The following AP2A1 variants were observed in gnomAD, a reference collection of about 807,000 sequenced individuals.
AP2A1 encodes adaptor related protein complex 2 subunit alpha 1.
In AP2A1, 21 loss-of-function variants were observed where a neutral mutation model predicts 107.3. The observed-to-expected ratio is 0.20, with a 90% CI of 0.14 to 0.28. AP2A1 has a LOEUF of 0.28. AP2A1 is among the 10% of genes least tolerant of loss of function. AP2A1 has a pLI of 1.00. For synonymous variants in AP2A1, 602 were observed against 564.8 expected, an observed-to-expected ratio of 1.07 and a Z score of -0.93; for missense variants, 873 against 1,307.7, an observed-to-expected ratio of 0.67 and a Z score of 5.13.
intron 15 of AP2A1, chr19:49,802,735 C>G (rs1191810373): frequency 9.2e-7 from 1 of 1,091,958 alleles, no homozygotes; most frequent in Admixed American, 2.7e-5. Context: ...GAAAGGGAAA[C>G]TTGGTGTCTG....
At chr19:49,797,829 C>T (rs1056633722) in intron 7 of AP2A1, among the ~76,000 whole-genome samples, 8 of 151,356 alleles carry the variant, frequency 5.3e-5, no homozygotes, top group African/African-American at 1.7e-4. Flanking sequence ...CACTGTCATC[C>T]CAGCACTTTG....
At chr19:49,767,760 A>C (rs2084518139) in intron 1 of AP2A1, among the ~76,000 whole-genome samples, 1 of 152,004 alleles carries the variant, frequency 6.6e-6, no homozygotes. Context: ...GAGTGGTTGA[A>C]AGTCCATGAG....
chr19:49,798,885 G>T lies in AP2A1; in HGVS notation c.898G>T (p.Val300Leu). The T allele has an allele frequency of 1.3e-6, 2 of 1,583,148 alleles. No individual in the cohort carries two copies. The highest frequency in any genetic ancestry group is 1.7e-6 in the Non-Finnish European group (2 of 1,164,862). The change falls in exon 8 of 23, where the codon GTG (valine) becomes TTG (leucine). Residue 300 changes from valine to leucine, a missense_variant. By Grantham distance (32) the Val-to-Leu change is conservative (BLOSUM62 1). Around this residue, in one of 4 missense-constraint regions of AP2A1, gnomAD observed 213 missense variants for 443.5 expected, o/e 0.48. Coordinates refer to ENST00000354293, the MANE Select transcript of AP2A1 (RefSeq NM_130787.3). ...CCAGGAGCCCCCCAAATCCAAGAAG[G>T]TGCAGCATTCCAACGCCAAGAACGC... ...KAQEPPKSKK[V>L]QHSNAKNAIL...
intron 15 of AP2A1, chr19:49,802,626 C>T (rs904694547): frequency 1.3e-5 from 10 of 779,904 alleles, no homozygotes; most frequent in African/African-American, 1.1e-4. Flanking sequence ...GGTGGGAGGT[C>T]GGTCGGGGGG....
intron 12 of AP2A1, 82 bp downstream of exon 12, chr19:49,801,140 G>A: frequency 2.2e-6 from 3 of 1,339,950 alleles, no homozygotes; most frequent in Non-Finnish European, 3.0e-6. Context: ...GGGTCTCAGG[G>A]CAGGCAGTGA....
chr19:49,782,871 G>C (rs2123695751), intron 4 of AP2A1, 147 bp downstream of exon 4: 2 of 963,128 alleles, frequency 2.1e-6, no homozygotes, highest in Non-Finnish European at 3.0e-6. Flanking sequence ...AGTGGTTCCG[G>C]TGGCAGCCCC....
rs370343936 is a variant in AP2A1 at position 49,806,775 on chromosome 19, C to T, written c.*17C>T. The T allele has an allele frequency of 1.5e-4, 238 of 1,613,432 alleles. No individual in the cohort carries two copies. The highest frequency in any genetic ancestry group is 1.8e-4 in the Non-Finnish European group (216 of 1,179,854). ...CAGTTCTGAGCCCTGGACTCTGCCC[C>T]GGGGGATGTGGCCGGCACTGGGCAG... is the stretch of plus-strand genomic sequence containing the variant. On this transcript the variant is annotated 3_prime_UTR_variant, in exon 23 of 23. Coordinates refer to ENST00000354293, the MANE Select transcript of AP2A1 (RefSeq NM_130787.3).
In AP2A1 at chr19:49,802,096, C is replaced by T. The variant is rs1038631863; in HGVS notation, c.2069C>T (p.Ala690Val). ...CTGGTGGACGTCTTCGATGGCCCGGCCGCCCAGCCCAGCCTGGGGCCCACC... is the reference window on the plus strand; with the variant it reads ...CTGGTGGACGTCTTCGATGGCCCGGTCGCCCAGCCCAGCCTGGGGCCCACC... The part of the protein sequence containing the change: ...NLLVDVFDGP[A>V]AQPSLGPTPE... Residue 690 changes from alanine to valine, a missense_variant, in exon 15 of 23, where the codon GCC becomes GTC. Ala to Val is a moderately conservative substitution (Grantham distance 64). This residue lies in a region of AP2A1 where 416 missense variants were observed against 473.4 expected (regional missense o/e 0.88). Transcript: ENST00000354293. The T allele has an allele frequency of 1.3e-6, 2 of 1,590,612 alleles. No homozygotes were observed. Among genetic ancestry groups the T allele is most frequent in the Non-Finnish European group, 1.7e-6 (2 of 1,174,234 alleles).
intron 4 of AP2A1, among the ~76,000 whole-genome samples, chr19:49,790,007 G>T (rs914542829): frequency 5.3e-5 from 8 of 152,326 alleles, no homozygotes; most frequent in Non-Finnish European, 8.8e-5. Flanking sequence ...CAGGTTCTGT[G>T]CCAGGCAAGT....
At chr19:49,787,134 G>A (rs1014712212) in intron 4 of AP2A1, among the ~76,000 whole-genome samples, 1 of 151,864 alleles carries the variant, frequency 6.6e-6, no homozygotes, top group African/African-American at 2.4e-5. Context: ...AGCCCCCTGA[G>A]TAGCTGTGAT....
Position 49,785,128 on chromosome 19 carries a change from G to A in AP2A1, c.473+2404G>A, listed in dbSNP as rs1253691620. Among the ~76,000 whole-genome samples the A allele has an allele frequency of 1.3e-5, 2 of 152,200 alleles. No individual in the cohort carries two copies. The highest frequency in any genetic ancestry group is 2.4e-5 in the African/African-American group (1 of 41,450). ...GTAGGGAGAGATCGTGACATAGGCA[G>A]TGTTCGAAGAGAGATAATGGTTGAA... On this transcript the variant is annotated intron_variant, in intron 4 of 22. Coordinates refer to ENST00000354293, the MANE Select transcript of AP2A1 (RefSeq NM_130787.3). This position sits in a 1 kb window ranked among gnomAD's most constrained non-coding sequence, Gnocchi z 4.1.
chr19:49,784,431 C>CA (rs112357042), intron 4 of AP2A1, among the ~76,000 whole-genome samples: 122 of 108,042 alleles, frequency 1.1e-3, no homozygotes, highest in African/African-American at 2.2e-3. Context: ...GACTCTGTCT[C>CA]AAAAAAAAAA....
chr19:49,773,795 T>C (rs1204560806), intron 1 of AP2A1, among the ~76,000 whole-genome samples: 3 of 151,714 alleles, frequency 2.0e-5, no homozygotes, highest in African/African-American at 7.3e-5. Context: ...TCTAACTAAG[T>C]GGGGGAATGG....
chr19:49,767,755 G>T (rs1370704116), intron 1 of AP2A1, among the ~76,000 whole-genome samples: 3 of 152,034 alleles, frequency 2.0e-5, no homozygotes, highest in Non-Finnish European at 4.4e-5. Context: ...CCTGAGAGTG[G>T]TTGAAAGTCC....
chr19:49,782,597 A>G lies in AP2A1; in HGVS notation c.346A>G (p.Ile116Val). The G allele has an allele frequency of 6.2e-7, 1 of 1,613,904 alleles. No individual in the cohort carries two copies. Among genetic ancestry groups the G allele is most frequent in the Non-Finnish European group, 8.5e-7 (1 of 1,179,842 alleles). ...GCTGATCCGCCTCATCAACAACGCC[A>G]TCAAGAATGACCTGGCCAGCCGCAA... ...SELIRLINNA[I>V]KNDLASRNPT... is the part of the protein sequence containing the mutation. Residue 116 changes from isoleucine (I) to valine (V), a missense_variant, in exon 4 of 23, where the codon ATC becomes GTC. By Grantham distance (29) the Ile-to-Val change is conservative. Around this residue, in one of 4 missense-constraint regions of AP2A1, gnomAD observed 87 missense variants for 178.2 expected, o/e 0.49. Transcript: ENST00000354293.
chr19:49,805,139 G>GTT, intron 18 of AP2A1: 1 of 335,834 alleles, frequency 3.0e-6, no homozygotes, highest in Non-Finnish European at 5.4e-6. Flanking sequence ...GCTAAGAGAG[G>GTT]TTAAGTGGTT....
intron 7 of AP2A1, chr19:49,795,988 TCCAG>T: frequency 1.9e-6 from 1 of 522,110 alleles, no homozygotes; most frequent in East Asian, 3.3e-5. Context: ...GGGCTCTCAC[TCCAG>T]CCCTGTTGCG....
At chr19:49,798,253 G>A (rs750825002) in intron 7 of AP2A1, among the ~76,000 whole-genome samples, 3 of 152,218 alleles carry the variant, frequency 2.0e-5, no homozygotes, top group Admixed American at 6.5e-5. Flanking sequence ...GCTCTGGGGG[G>A]TGAGGGGGCA....
chr19:49,798,835 G>C lies in AP2A1; in HGVS notation c.848G>C (p.Cys283Ser). Residue 283 changes from cysteine to serine, a missense_variant, in exon 8 of 23, where the codon TGT becomes TCT. Cys to Ser is a moderately radical substitution (Grantham distance 112). This residue lies in a region of AP2A1 where 157 missense variants were observed against 212.6 expected (regional missense o/e 0.74). Coordinates refer to ENST00000354293, the MANE Select transcript of AP2A1 (RefSeq NM_130787.3). ...DAAVKGRLVE[C>S]LETVLNKAQE... ...GCTGTGAAGGGGCGGCTGGTGGAATGTCTGGAGACTGTGCTCAACAAGGCC... is the reference window on the plus strand; with the variant it reads ...GCTGTGAAGGGGCGGCTGGTGGAATCTCTGGAGACTGTGCTCAACAAGGCC... 1 of 1,603,928 alleles carries C rather than the reference G, an allele frequency of 6.2e-7. No individual in the cohort carries two copies. Among genetic ancestry groups the C allele is most frequent in the Admixed American group, 1.7e-5 (1 of 58,470 alleles).
Sources: allele counts gnomAD v4.1 joint callset (sites outside exome capture counted in the v4.1 genomes callset), GRCh38; gene constraint gnomAD v4.1.1; regional missense constraint gnomAD v4.1.1; non-coding constraint Gnocchi (gnomAD v3.1); transcripts MANE v1.5; gene names NCBI Gene and HGNC (gene_info 2026-07-23, HGNC 2026-07-21).